SCNN1B: variants seen among roughly 807,000 people sequenced by gnomAD.
SCNN1B encodes epithelial sodium channel subunit beta.
In SCNN1B, 46 loss-of-function variants were observed where a neutral mutation model predicts 65.3. The observed-to-expected ratio is 0.70, with a 90% CI of 0.56 to 0.90. The LOEUF is 0.90. SCNN1B is among the 40% of genes least tolerant of loss of function. The probability of loss-of-function intolerance (pLI) is 0.00; values close to 1 mark genes in which losing one functional copy is unlikely to be tolerated. For missense variants in SCNN1B, 751 were observed against 830.5 expected (o/e 0.90, Z 1.18); for synonymous variants, 349 against 330.6 (o/e 1.06, Z -0.60).
intron 4 of SCNN1B, among the ~76,000 whole-genome samples, chr16:23,360,595 T>G (rs1225569285): frequency 6.8e-6 from 1 of 146,276 alleles, no homozygotes; most frequent in Non-Finnish European, 1.5e-5. Flanking sequence ...GTGGTGGTTT[T>G]TTTTTTTTTT....
Position 23,361,436 on chromosome 16 carries a change from G to A in SCNN1B, c.776+5947G>A, listed in dbSNP as rs569119052. Among the ~76,000 whole-genome samples, 16 of 152,274 alleles carry A rather than the reference G, an allele frequency of 1.1e-4. 1 individual carries two copies. Among genetic ancestry groups the A allele is most frequent in the African/African-American group, 3.1e-4 (13 of 41,538 alleles). ...GGGAAGGGGAAGGGAGTGGCCAGTGGGAAAGGAGCATTGAGCTCCACCCCT... is the reference window on the plus strand; with the variant it reads ...GGGAAGGGGAAGGGAGTGGCCAGTGAGAAAGGAGCATTGAGCTCCACCCCT... On this transcript the variant is annotated intron_variant, in intron 4 of 12. Transcript: ENST00000343070.
chr16:23,336,099 G>A (rs1961933506), intron 1 of SCNN1B, among the ~76,000 whole-genome samples: 1 of 152,180 alleles, frequency 6.6e-6, no homozygotes, highest in African/African-American at 2.4e-5. Context: ...GCTAGTAGGT[G>A]AGAGGTGGCC....
intron 1 of SCNN1B, among the ~76,000 whole-genome samples, chr16:23,309,399 T>C (rs1464815419): frequency 6.8e-6 from 1 of 147,764 alleles, no homozygotes; most frequent in East Asian, 2.0e-4. Context: ...AGATGATAGA[T>C]AGATAAATGA....
chr16:23,314,178 G>C (rs1388758205), intron 1 of SCNN1B, among the ~76,000 whole-genome samples: 4 of 151,794 alleles, frequency 2.6e-5, no homozygotes, highest in Non-Finnish European at 5.9e-5. Context: ...CACCACTACG[G>C]CCAGCTAACT....
chr16:23,319,168 G>A (rs372837779), intron 1 of SCNN1B, among the ~76,000 whole-genome samples: 3 of 151,954 alleles, frequency 2.0e-5, no homozygotes, highest in African/African-American at 4.8e-5. Context: ...AGCCTCCTGC[G>A]TAGCTGGGAC....
At chr16:23,359,365 T>C (rs1042796606) in intron 4 of SCNN1B, 7 of 152,280 alleles carry the variant, frequency 4.6e-5, no homozygotes, top group African/African-American at 9.7e-5. Context: ...AGGGTGATCG[T>C]CATCTTCCCT....
At chr16:23,296,496 T>C (rs74012865) in intron 2 of SCNN1B, among the ~76,000 whole-genome samples, 9,164 of 152,188 alleles carry the variant, frequency 0.06, 953 homozygotes, top group African/African-American at 0.21. Flanking sequence ...TTTCAGAACA[T>C]GGACTTTGGT....
At chr16:23,307,844 G>A (rs909504594) in intron 1 of SCNN1B, among the ~76,000 whole-genome samples, 6 of 152,184 alleles carry the variant, frequency 3.9e-5, no homozygotes, top group Non-Finnish European at 7.3e-5. Flanking sequence ...GAGCCCAGGA[G>A]TTCAAGTCCA....
At chr16:23,343,471 AAAGAAAGGAAGGAAGG>A (rs1230884145) in intron 1 of SCNN1B, among the ~76,000 whole-genome samples, 17 of 117,242 alleles carry the variant, frequency 1.4e-4, no homozygotes, top group African/African-American at 5.4e-4. Context: ...AAAGGAAAAG[AAAGAAAGGAAGGAAGG>A]AAGGAAGGAA....
chr16:23,374,781 G>C (rs79798169), intron 7 of SCNN1B, among the ~76,000 whole-genome samples: 2,467 of 151,866 alleles, frequency 0.016, 67 homozygotes, highest in East Asian at 0.089. Flanking sequence ...GGACTCAGGA[G>C]CGCAGGTGTG....
chr16:23,303,320 C>A (rs1009744730), intron 1 of SCNN1B, among the ~76,000 whole-genome samples: 1 of 152,158 alleles, frequency 6.6e-6, no homozygotes, highest in Non-Finnish European at 1.5e-5. Context: ...CCAAGACTGG[C>A]TTTGGTCCCT....
At chr16:23,316,596 CCATCACCAT>C (rs1195751659) in intron 1 of SCNN1B, among the ~76,000 whole-genome samples, 2 of 138,224 alleles carry the variant, frequency 1.4e-5, no homozygotes, top group African/African-American at 6.8e-5. Context: ...ATCTTCACCA[CCATCACCAT>C]CATCACCATC....
rs1210034901 is a variant in SCNN1B, at chr16:23,380,807, C to T, written c.*6C>T. On this transcript the variant is annotated 3_prime_UTR_variant, in exon 13 of 13. Coordinates refer to ENST00000343070, the MANE Select transcript of SCNN1B (RefSeq NM_000336.3). This position sits in a 1 kb window ranked among gnomAD's most constrained non-coding sequence, Gnocchi z 5.4. ...GTGAGGGTGATGCCATCTAACCCTGCCCCTGCCCACCCCGGGCGGCTGAAA... is the reference window on the plus strand; with the variant it reads ...GTGAGGGTGATGCCATCTAACCCTGTCCCTGCCCACCCCGGGCGGCTGAAA... 7 of 1,611,838 alleles carry T rather than the reference C, an allele frequency of 4.3e-6. No individual in the cohort carries two copies. The highest frequency in any genetic ancestry group is 4.5e-5 in the East Asian group (2 of 44,884).
At chr16:23,298,951 C>G (rs1051152056), upstream of SCNN1B, among the ~76,000 whole-genome samples, 6 of 151,942 alleles carry the variant, frequency 3.9e-5, no homozygotes, top group Non-Finnish European at 8.8e-5. Context: ...GGGACTCATT[C>G]TAAAACTGTC....
At chr16:23,294,158 A>G (rs998511509) in intron 2 of SCNN1B, among the ~76,000 whole-genome samples, 3 of 152,094 alleles carry the variant, frequency 2.0e-5, no homozygotes, top group Non-Finnish European at 4.4e-5. Flanking sequence ...CCAGGAGTTC[A>G]AGACCAACCT....
In SCNN1B at chr16:23,357,739, C is replaced by T. The variant is rs558965956; in HGVS notation, c.776+2250C>T. Among the ~76,000 whole-genome samples, 103 of 152,284 alleles carry T rather than the reference C, an allele frequency of 6.8e-4. 1 individual carries two copies. The highest frequency in any genetic ancestry group is 2.3e-3 in the African/African-American group (94 of 41,554). ...CATAGGTGGAAGATTTGACTGATGG[C>T]GCCCTGCTGATGGGATACCCTCTTC... On this transcript the variant is annotated intron_variant, in intron 4 of 12. Transcript: ENST00000343070.
chr16:23,377,295 C>T, intron 9 of SCNN1B, 34 bp from the exon 10 acceptor site: 2 of 1,614,080 alleles, frequency 1.2e-6, no homozygotes, highest in Non-Finnish European at 1.7e-6. Flanking sequence ...GCATCACTGG[C>T]AGGGACCACA....
intron 1 of SCNN1B, among the ~76,000 whole-genome samples, chr16:23,313,189 T>A (rs551845277): frequency 8.5e-5 from 13 of 152,276 alleles, no homozygotes; most frequent in Admixed American, 5.9e-4. Context: ...CATATCAGCA[T>A]TGGGCTAGAC....
intron 4 of SCNN1B, among the ~76,000 whole-genome samples, chr16:23,356,629 A>AAAAAAAAACAAAAAACAAAAAAACACGAG: frequency 6.6e-6 from 1 of 152,220 alleles, no homozygotes; most frequent in Admixed American, 6.5e-5. Context: ...GTCTCTTAAA[A>AAAAAAAAACAAAAAACAAAAAAACACGAG]AAAAAAAACA....
Sources: allele counts gnomAD v4.1 joint callset (sites outside exome capture counted in the v4.1 genomes callset), GRCh38; gene constraint gnomAD v4.1.1; non-coding constraint Gnocchi (gnomAD v3.1); transcripts MANE v1.5; gene names NCBI Gene and HGNC (gene_info 2026-07-23, HGNC 2026-07-21).